Variants in CD200 observed in about 807,000 individuals in gnomAD.
The protein encoded by CD200 is OX-2 membrane glycoprotein.
In CD200, 15 loss-of-function variants were observed where a neutral mutation model predicts 30.9. The observed-to-expected ratio is 0.49, with a 90% confidence interval of 0.32 to 0.75. The LOEUF is 0.75. CD200 is among the 30% of genes least tolerant of loss of function. CD200 has a pLI of 0.03. For missense variants in CD200, 262 were observed against 324.2 expected, an observed-to-expected ratio of 0.81 and a Z score of 1.47; for synonymous variants, 134 against 126.2, an observed-to-expected ratio of 1.06 and a Z score of -0.41.
intron 1 of CD200, chr3:112,335,721 G>A: frequency 1.9e-6 from 1 of 530,144 alleles, no homozygotes. Context: ...TACTGTGATG[G>A]AGATAGTGAT....
Position 112,345,053 on chromosome 3 carries a change from G to C in CD200, c.186G>C (p.Val62=). 1 of 1,614,098 alleles carries C rather than the reference G, an allele frequency of 6.2e-7. No homozygotes were observed. Among genetic ancestry groups the C allele is most frequent in the Non-Finnish European group, 8.5e-7 (1 of 1,180,006 alleles). Residue 62 remains valine, a synonymous_variant, in exon 3 of 6, where the codon GTG becomes GTC. Coordinates refer to ENST00000315711, the MANE Select transcript of CD200 (RefSeq NM_005944.7). ...AAAATGCCCAGGAAGCCCTCATTGTGACATGGCAGAAAAAGAAAGCTGTAA... is the reference window on the plus strand; with the variant it reads ...AAAATGCCCAGGAAGCCCTCATTGTCACATGGCAGAAAAAGAAAGCTGTAA... ...SLQNAQEALI[V]TWQKKKAVSP... is the part of the protein sequence containing the mutation.
Position 112,349,832 on chromosome 3 carries a change from AGGGAGTTC to A in CD200, c.802+14_802+21del. ...AATCAGGACCGAGGTGAGTTGTCAC[AGGGAGTTC>A]AAAAAATGACATAAATTAAATTTGA... On this transcript the variant is annotated intron_variant, in intron 5 of 5. Coordinates refer to ENST00000315711, the MANE Select transcript of CD200 (RefSeq NM_005944.7). 6.3e-7 allele frequency: 1 copy of A among 1,589,016 alleles called. No individual in the cohort carries two copies. Among genetic ancestry groups the A allele is most frequent in the Non-Finnish European group, 8.5e-7 (1 of 1,170,680 alleles).
intron 5 of CD200, among the ~76,000 whole-genome samples, chr3:112,350,406 C>T (rs976767169): frequency 1.3e-5 from 2 of 152,120 alleles, no homozygotes; most frequent in Non-Finnish European, 2.9e-5. Flanking sequence ...ACTGAATGAA[C>T]TGATTGAGGA....
Position 112,361,764 on chromosome 3 carries a change from T to C in CD200, c.*214T>C. On this transcript the variant is annotated 3_prime_UTR_variant, in exon 6 of 6. Transcript: ENST00000315711. The stretch of plus-strand genomic sequence containing the variant: ...GTCAGTTTACCTCTCAGGTCTGTTG[T>C]AGGACTTGATTTTGTAAAGCAATGC... 1 of 612,770 alleles carries C rather than the reference T, an allele frequency of 1.6e-6. No homozygotes were observed. The highest frequency in any genetic ancestry group is 2.8e-5 in the East Asian group (1 of 36,180). The allele number at this position is 612,770 out of a possible 1,614,324, so 38.0% of individuals were successfully genotyped here.
chr3:112,360,022 A>C (rs2081706214), intron 5 of CD200, among the ~76,000 whole-genome samples: 1 of 152,188 alleles, frequency 6.6e-6, no homozygotes, highest in African/African-American at 2.4e-5. Context: ...TGAAAGCTCT[A>C]AGGCAGAAAA....
intron 2 of CD200, among the ~76,000 whole-genome samples, chr3:112,341,775 C>T (rs1182446178): frequency 1.3e-5 from 2 of 152,154 alleles, no homozygotes; most frequent in Non-Finnish European, 2.9e-5. Context: ...AAGAGTTGAA[C>T]TCTAGTTTTG....
At chr3:112,333,517 C>CGCGCTGACGAAGCTG in intron 1 of CD200, 1 of 985,442 alleles carries the variant, frequency 1.0e-6, no homozygotes, top group Middle Eastern at 5.2e-4. Context: ...GCTCTTGATC[C>CGCGCTGACGAAGCTG]GCGCTGACGA....
intron 5 of CD200, among the ~76,000 whole-genome samples, chr3:112,360,468 TATG>T (rs536699894): frequency 6.6e-6 from 1 of 152,300 alleles, no homozygotes; most frequent in African/African-American, 2.4e-5. Context: ...GCTTACACTC[TATG>T]ATAAGAATTT....
intron 1 of CD200, chr3:112,336,156 T>C: frequency 1.5e-6 from 1 of 650,020 alleles, no homozygotes; most frequent in Non-Finnish European, 2.7e-6. Context: ...TCTTGAAATT[T>C]CCCTCATTAA....
intron 4 of CD200, among the ~76,000 whole-genome samples, chr3:112,349,432 T>G (rs925283981): frequency 6.6e-6 from 1 of 152,204 alleles, no homozygotes; most frequent in Non-Finnish European, 1.5e-5. Flanking sequence ...AGTTAAATTC[T>G]CAAAGCCTCA....
At position 112,346,867 on chromosome 3, in the gene CD200, A is replaced by G. The variant is rs562513995; in HGVS notation, c.422-691A>G. Among the ~76,000 whole-genome samples, 5 of 152,364 alleles carry G rather than the reference A, an allele frequency of 3.3e-5. No homozygotes were observed. In the South Asian group the frequency reaches 1.0e-3, roughly 32 times the overall value. The stretch of plus-strand genomic sequence containing the variant: ...GGTACAGGCTACAGCTGGCCTGAAA[A>G]TAATTTTCTCATGAGCTAGTTAGTT... On this transcript the variant is annotated intron_variant, in intron 3 of 5. Coordinates refer to ENST00000315711, the MANE Select transcript of CD200 (RefSeq NM_005944.7).
In CD200 at chr3:112,361,762, T is replaced by A. The variant is rs1006270270; in HGVS notation, c.*212T>A. The A allele has an allele frequency of 1.5e-4, 91 of 615,634 alleles. 2 individuals are homozygous for A. The South Asian group carries it at 1.8e-3, about 12-fold the overall frequency. The allele number at this position is 615,634 out of a possible 1,614,324, so 38.1% of individuals were successfully genotyped here. On this transcript the variant is annotated 3_prime_UTR_variant, in exon 6 of 6. Coordinates refer to ENST00000315711, the MANE Select transcript of CD200 (RefSeq NM_005944.7). ...AAGTCAGTTTACCTCTCAGGTCTGT[T>A]GTAGGACTTGATTTTGTAAAGCAAT...
At position 112,347,618 on chromosome 3, in the gene CD200, C is replaced by T. The variant is rs1160139661; in HGVS notation, c.482C>T (p.Ser161Phe). ...GAAGACCACCTAAATATCACTTGCT[C>T]TGCCACTGCCCGCCCAGCCCCCATG... is the stretch of plus-strand genomic sequence containing the variant. ...FSEDHLNITC[S>F]ATARPAPMVF... Residue 161 changes from serine to phenylalanine, a missense_variant, in exon 4 of 6, where the codon TCT becomes TTT. Ser to Phe is a radical substitution (Grantham distance 155, BLOSUM62 -2). Transcript: ENST00000315711. 6.2e-7 allele frequency: 1 copy of T among 1,613,986 alleles called. No individual in the cohort carries two copies. Among genetic ancestry groups the T allele is most frequent in the Non-Finnish European group, 8.5e-7 (1 of 1,179,878 alleles).
intron 3 of CD200, among the ~76,000 whole-genome samples, chr3:112,346,157 A>G (rs2081385670): frequency 6.6e-6 from 1 of 151,866 alleles, no homozygotes; most frequent in South Asian, 2.1e-4. Context: ...GCCTATAATG[A>G]GTCCTCTCTG....
In CD200 at chr3:112,345,167, A is replaced by C. The variant is rs1012997656; in HGVS notation, c.300A>C (p.Gly100=). 6.2e-7 allele frequency: 1 copy of C among 1,613,978 alleles called. No homozygotes were observed. The highest frequency in any genetic ancestry group is 1.3e-5 in the African/African-American group (1 of 74,920). ...ACAAGATAAACATTACCCAGCTGGG[A>C]CTCCAAAACTCAACCATCACCTTCT... is the stretch of plus-strand genomic sequence containing the variant. The part of the protein sequence containing the change: ...YKDKINITQL[G]LQNSTITFWN... Residue 100 remains glycine (G), a synonymous_variant, in exon 3 of 6, where the codon GGA becomes GGC. Coordinates refer to ENST00000315711, the MANE Select transcript of CD200 (RefSeq NM_005944.7).
intron 4 of CD200, 90 bp from the exon 5 acceptor site, chr3:112,349,622 G>T: frequency 2.1e-6 from 2 of 972,118 alleles, no homozygotes; most frequent in South Asian, 2.0e-5. Flanking sequence ...ATGTATTTAA[G>T]GATAATTTTA....
chr3:112,356,920 A>T (rs1309051499), intron 5 of CD200, among the ~76,000 whole-genome samples: 3 of 152,182 alleles, frequency 2.0e-5, no homozygotes, highest in Non-Finnish European at 4.4e-5. Flanking sequence ...ACTGTATCTC[A>T]TAAGAATGTT....
At chr3:112,334,165 T>G in intron 1 of CD200, 4 of 985,358 alleles carry the variant, frequency 4.1e-6, no homozygotes, top group Non-Finnish European at 4.8e-6. Flanking sequence ...TACCTCGTTT[T>G]ACACATAAAC....
At chr3:112,351,936 A>C (rs140738579) in intron 5 of CD200, among the ~76,000 whole-genome samples, 1 of 152,180 alleles carries the variant, frequency 6.6e-6, no homozygotes, top group Non-Finnish European at 1.5e-5. Flanking sequence ...ACCAGCTCTC[A>C]TGGGAACTAA....
Sources: allele counts gnomAD v4.1 joint callset (sites outside exome capture counted in the v4.1 genomes callset), GRCh38; gene constraint gnomAD v4.1.1; transcripts MANE v1.5; gene names NCBI Gene and HGNC (gene_info 2026-07-23, HGNC 2026-07-21).